The following DLG2 variants were observed in gnomAD, a reference collection of about 807,000 sequenced individuals.
DLG2 encodes discs large MAGUK scaffold protein 2, also known as disks large homolog 2.
In DLG2, 45 loss-of-function variants were observed where a neutral mutation model predicts 132.5. The ratio of observed to expected loss-of-function variants is 0.34; its 90% CI spans 0.27 to 0.44. DLG2 has a LOEUF of 0.44. Ranked by LOEUF, DLG2 falls within the 20% of genes least tolerant of loss-of-function variation. The pLI is 1.00. For synonymous variants in DLG2, 424 were observed against 419.6 expected (o/e 1.01, Z -0.13); for missense variants, 1,045 against 1,196.9 (o/e 0.87, Z 1.87).
In DLG2 at chr11:84,628,039, A is replaced by T. The variant is rs2099625618; in HGVS notation, c.358-93308T>A. Among the ~76,000 whole-genome samples the T allele has an allele frequency of 2.6e-5, 4 of 152,028 alleles. No homozygotes were observed. In the South Asian group the frequency reaches 8.3e-4, roughly 32 times the overall value. ...ATCAGTGACAATGGTAAATTACTAG[A>T]CCTCCCAAAAGTTCAAATGTCTCTT... On this transcript the variant is annotated intron_variant, in intron 6 of 27. Transcript: ENST00000376104.
intron 6 of DLG2, among the ~76,000 whole-genome samples, chr11:84,841,008 T>TA (rs1306327695): frequency 8.4e-4 from 116 of 137,372 alleles, no homozygotes; most frequent in African/African-American, 1.3e-3. Context: ...AAAAAAATAG[T>TA]AAAAAAAAAA....
intron 14 of DLG2, among the ~76,000 whole-genome samples, chr11:83,938,352 G>C (rs2081954980): frequency 7.7e-6 from 1 of 129,972 alleles, no homozygotes; most frequent in Non-Finnish European, 1.9e-5. Flanking sequence ...GTTTGAAAGA[G>C]GGTGAAAGGG....
intron 6 of DLG2, among the ~76,000 whole-genome samples, chr11:84,902,432 T>C (rs191185230): frequency 6.6e-6 from 1 of 152,282 alleles, no homozygotes; most frequent in East Asian, 1.9e-4. Context: ...CTCTATCCCC[T>C]TACAGAAGCC....
intron 3 of DLG2, among the ~76,000 whole-genome samples, chr11:85,291,639 C>T (rs2078900086): frequency 6.9e-6 from 1 of 144,252 alleles, no homozygotes; most frequent in Non-Finnish European, 1.5e-5. Flanking sequence ...CGTTGGAATG[C>T]AGCAGTGCAA....
intron 6 of DLG2, among the ~76,000 whole-genome samples, chr11:84,750,100 G>A (rs188441818): frequency 8.9e-4 from 135 of 152,212 alleles, no homozygotes; most frequent in Middle Eastern, 6.8e-3. Context: ...TGTTCCAACA[G>A]TAAAGGAAGA....
chr11:85,288,522 C>T (rs551055890), intron 3 of DLG2, among the ~76,000 whole-genome samples: 1 of 152,048 alleles, frequency 6.6e-6, no homozygotes, highest in South Asian at 2.1e-4. Flanking sequence ...AGAATTTGGG[C>T]ATGGTGGTGT....
chr11:84,154,057 G>A (rs557962175), intron 9 of DLG2, among the ~76,000 whole-genome samples: 1 of 152,184 alleles, frequency 6.6e-6, no homozygotes, highest in Non-Finnish European at 1.5e-5. Flanking sequence ...GAGTGCAGTG[G>A]TGTGATGTCA....
intron 6 of DLG2, among the ~76,000 whole-genome samples, chr11:84,829,068 C>T (rs1342827977): frequency 6.6e-6 from 1 of 151,574 alleles, no homozygotes; most frequent in South Asian, 2.1e-4. Flanking sequence ...TCAGGTTACA[C>T]AAAGACATTT....
chr11:83,830,568 C>CATGT (rs1403003355), intron 17 of DLG2, among the ~76,000 whole-genome samples: 1 of 152,120 alleles, frequency 6.6e-6, no homozygotes, highest in African/African-American at 2.4e-5. Context: ...TCAAAAGTAC[C>CATGT]ATGTAAGTAT....
intron 9 of DLG2, among the ~76,000 whole-genome samples, chr11:84,126,012 G>T (rs2094153639): frequency 6.6e-6 from 1 of 152,024 alleles, no homozygotes; most frequent in Non-Finnish European, 1.5e-5. Flanking sequence ...ATCAGCTATT[G>T]AAAGTTTTTA....
At chr11:85,132,766 A>T in intron 5 of DLG2, 1 of 456,582 alleles carries the variant, frequency 2.2e-6, no homozygotes. Context: ...TTCCTATCCT[A>T]CCTTTGTGGT....
At chr11:84,430,370 C>T (rs768076036) in intron 7 of DLG2, among the ~76,000 whole-genome samples, 3 of 147,886 alleles carry the variant, frequency 2.0e-5, no homozygotes, top group Admixed American at 6.9e-5. Context: ...ACCAGGGAGT[C>T]GGAGGTTGTA....
chr11:84,541,426 T>G (rs978796397), intron 6 of DLG2, among the ~76,000 whole-genome samples: 2 of 152,206 alleles, frequency 1.3e-5, no homozygotes, highest in East Asian at 1.9e-4. Context: ...CAAACTTTTT[T>G]AGGTCCTTGA....
chr11:83,934,942 C>G (rs778581240), intron 14 of DLG2, among the ~76,000 whole-genome samples: 16 of 152,132 alleles, frequency 1.1e-4, no homozygotes, highest in Non-Finnish European at 1.6e-4. Flanking sequence ...AAGGGGACAT[C>G]TAAAATTACA....
chr11:85,556,822 TCATA>T (rs1333399706), intron 3 of DLG2, among the ~76,000 whole-genome samples: 1 of 151,770 alleles, frequency 6.6e-6, no homozygotes. Context: ...AATCAAAGCC[TCATA>T]CAAAGTTTAT....
At chr11:84,308,671 G>A (rs1421350148) in intron 7 of DLG2, among the ~76,000 whole-genome samples, 2 of 152,096 alleles carry the variant, frequency 1.3e-5, no homozygotes, top group African/African-American at 4.8e-5. Flanking sequence ...GCATGGTCCC[G>A]AGCCCTGCCC....
chr11:85,139,577 T>G (rs2076331231), intron 5 of DLG2, among the ~76,000 whole-genome samples: 1 of 152,116 alleles, frequency 6.6e-6, no homozygotes, highest in Non-Finnish European at 1.5e-5. Context: ...GTTATTATAG[T>G]GAAGCAAATT....
chr11:84,071,567 T>A (rs969484997), intron 10 of DLG2, among the ~76,000 whole-genome samples: 12 of 152,172 alleles, frequency 7.9e-5, no homozygotes, highest in African/African-American at 2.9e-4. Context: ...TTATTCTACC[T>A]AATTCTAGCC....
chr11:85,040,965 G>A (rs1215494217), intron 6 of DLG2, among the ~76,000 whole-genome samples: 3 of 151,808 alleles, frequency 2.0e-5, no homozygotes, highest in Non-Finnish European at 4.4e-5. Context: ...AGTAATAGGT[G>A]GAGCTGGTTT....
Sources: allele counts gnomAD v4.1 joint callset (sites outside exome capture counted in the v4.1 genomes callset), GRCh38; gene constraint gnomAD v4.1.1; transcripts MANE v1.5; gene names NCBI Gene and HGNC (gene_info 2026-07-23, HGNC 2026-07-21).